Variants in ITGBL1 observed in about 807,000 individuals in gnomAD.
ITGBL1 encodes integrin subunit beta like 1.
Under a neutral mutation model 68.5 loss-of-function variants are expected in ITGBL1, and 51 were observed. That is an observed-to-expected ratio of 0.74 (90% CI 0.59 to 0.94). ITGBL1 has a LOEUF of 0.94. Among genes scored for constraint, ITGBL1 ranks in the 40% least tolerant of loss-of-function variants. The pLI, the probability that ITGBL1 is intolerant of heterozygous loss-of-function variation, is 0.00. For missense variants in ITGBL1, 649 were observed against 647.4 expected, an observed-to-expected ratio of 1.00 and a Z score of -0.03; for synonymous variants, 209 against 227.3, an observed-to-expected ratio of 0.92 and a Z score of 0.72.
At chr13:101,541,121 C>T (rs2049690490) in intron 2 of ITGBL1, among the ~76,000 whole-genome samples, 2 of 148,406 alleles carry the variant, frequency 1.3e-5, no homozygotes, top group East Asian at 2.0e-4. Flanking sequence ...GAGGACATCC[C>T]TGTCTTGTGC....
At chr13:101,677,512 A>G (rs2033534190) in intron 7 of ITGBL1, among the ~76,000 whole-genome samples, 1 of 152,158 alleles carries the variant, frequency 6.6e-6, no homozygotes, top group African/African-American at 2.4e-5. Flanking sequence ...GAGGATCATT[A>G]TTTCCTAAAA....
At chr13:101,626,670 AT>A (rs1257755990) in intron 7 of ITGBL1, among the ~76,000 whole-genome samples, 1 of 152,194 alleles carries the variant, frequency 6.6e-6, no homozygotes, top group Non-Finnish European at 1.5e-5. Flanking sequence ...TTAAATTAAA[AT>A]CCAGCTGCAC....
chr13:101,703,786 A>G (rs1448227802), intron 8 of ITGBL1, among the ~76,000 whole-genome samples: 3 of 152,216 alleles, frequency 2.0e-5, no homozygotes, highest in Non-Finnish European at 4.4e-5. Flanking sequence ...AAAATCATAT[A>G]TGGATGTAGG....
In ITGBL1 at chr13:101,477,489, C is replaced by T. The variant is rs111269987; in HGVS notation, c.316+23389C>T. Among the ~76,000 whole-genome samples, 976 of 151,516 alleles carry T rather than the reference C, an allele frequency of 6.4e-3. 17 individuals are homozygous for T. Among genetic ancestry groups the T allele is most frequent in the African/African-American group, 0.022 (919 of 41,348 alleles). On this transcript the variant is annotated intron_variant, in intron 2 of 10. Transcript: ENST00000376180. Reference sequence around the variant, plus strand: ...TGGAAGAAAATAGTGAAGATCATAGCCGAAATAAATGAGATCAAATTAAAA... The same window carrying T: ...TGGAAGAAAATAGTGAAGATCATAGTCGAAATAAATGAGATCAAATTAAAA...
At chr13:101,578,830 T>C (rs1032462746) in intron 4 of ITGBL1, among the ~76,000 whole-genome samples, 1 of 152,256 alleles carries the variant, frequency 6.6e-6, no homozygotes, top group East Asian at 1.9e-4. Flanking sequence ...ATATTTATTC[T>C]GCTTTAAAGA....
intron 2 of ITGBL1, among the ~76,000 whole-genome samples, chr13:101,565,721 G>A (rs186598342): frequency 9.2e-5 from 14 of 152,224 alleles, no homozygotes; most frequent in Admixed American, 6.5e-4. Context: ...TATATATCGT[G>A]ACACATTAGA....
intron 7 of ITGBL1, among the ~76,000 whole-genome samples, chr13:101,605,388 G>A (rs1398638455): frequency 3.3e-5 from 3 of 90,732 alleles, no homozygotes; most frequent in East Asian, 2.6e-4. Flanking sequence ...ACACATATAT[G>A]GGCATGTATG....
chr13:101,454,225 T>A (rs2139607442), intron 2 of ITGBL1, 125 bp downstream of exon 2: 1 of 528,546 alleles, frequency 1.9e-6, no homozygotes, highest in Non-Finnish European at 3.0e-6. Flanking sequence ...ATTAAGTTAC[T>A]GCGATTGTCA....
intron 7 of ITGBL1, among the ~76,000 whole-genome samples, chr13:101,688,972 G>A (rs1209174169): frequency 6.6e-6 from 1 of 151,926 alleles, no homozygotes; most frequent in African/African-American, 2.4e-5. Context: ...GCCAAGGCGG[G>A]TGGATTGCTT....
chr13:101,695,092 T>G (rs1440419106), intron 8 of ITGBL1, among the ~76,000 whole-genome samples: 1 of 152,140 alleles, frequency 6.6e-6, no homozygotes, highest in African/African-American at 2.4e-5. Context: ...AAAAGAGATT[T>G]GATTCAATGG....
intron 2 of ITGBL1, among the ~76,000 whole-genome samples, chr13:101,527,539 GT>G (rs1241468149): frequency 1.8e-4 from 27 of 152,110 alleles, no homozygotes; most frequent in African/African-American, 6.5e-4. Context: ...TCATTCCTAA[GT>G]TTTCATGTAG....
At chr13:101,627,831 T>C (rs1038516037) in intron 7 of ITGBL1, among the ~76,000 whole-genome samples, 6 of 152,236 alleles carry the variant, frequency 3.9e-5, no homozygotes, top group Non-Finnish European at 7.3e-5. Flanking sequence ...TGTACCACTG[T>C]TTATTTAACC....
intron 9 of ITGBL1, chr13:101,711,829 A>G (rs780582169): frequency 6.6e-6 from 1 of 152,218 alleles, no homozygotes; most frequent in Admixed American, 6.5e-5. Context: ...TATATTGAGA[A>G]AGAAAATGAA....
chr13:101,658,570 A>G (rs949772640), intron 7 of ITGBL1, among the ~76,000 whole-genome samples: 3 of 152,158 alleles, frequency 2.0e-5, no homozygotes, highest in African/African-American at 7.2e-5. Context: ...GTATGCATGT[A>G]TATGCATATG....
chr13:101,486,212 G>A (rs2048700442), intron 2 of ITGBL1, among the ~76,000 whole-genome samples: 1 of 152,176 alleles, frequency 6.6e-6, no homozygotes, highest in Non-Finnish European at 1.5e-5. Context: ...GGAGCTGGGG[G>A]CCATTATTCT....
chr13:101,481,144 A>ATG (rs1188009585), intron 2 of ITGBL1, among the ~76,000 whole-genome samples: 2 of 140,720 alleles, frequency 1.4e-5, no homozygotes, highest in African/African-American at 2.6e-5. Context: ...GCATATATAT[A>ATG]TGTATATATA....
intron 2 of ITGBL1, among the ~76,000 whole-genome samples, chr13:101,485,592 C>G (rs915069086): frequency 6.6e-6 from 1 of 152,032 alleles, no homozygotes; most frequent in Non-Finnish European, 1.5e-5. Flanking sequence ...ATCACGAGGT[C>G]AGGAGATCGA....
chr13:101,618,184 A>G (rs2031441276), intron 7 of ITGBL1, among the ~76,000 whole-genome samples: 1 of 152,166 alleles, frequency 6.6e-6, no homozygotes, highest in African/African-American at 2.4e-5. Flanking sequence ...TAGTGAGAAT[A>G]TTTGCTATTA....
In ITGBL1 at chr13:101,475,432, A is replaced by T. The variant is rs551793021; in HGVS notation, c.316+21332A>T. Reference sequence around the variant, plus strand: ...ATGAAGTTTGCTTACAAGACCCAGAAAATAGCCTCAAAAGGGTAAATCTAA... The same window carrying T: ...ATGAAGTTTGCTTACAAGACCCAGATAATAGCCTCAAAAGGGTAAATCTAA... On this transcript the variant is annotated intron_variant, in intron 2 of 10. Coordinates refer to ENST00000376180, the MANE Select transcript of ITGBL1 (RefSeq NM_004791.3). 2.6e-5 allele frequency among the ~76,000 whole-genome samples: 4 copies of T among 152,280 alleles called. No individual in the cohort carries two copies. The East Asian group carries it at 7.7e-4, about 29-fold the overall frequency.
Sources: allele counts gnomAD v4.1 joint callset (sites outside exome capture counted in the v4.1 genomes callset), GRCh38; gene constraint gnomAD v4.1.1; transcripts MANE v1.5; gene names NCBI Gene and HGNC (gene_info 2026-07-23, HGNC 2026-07-21).